ULK4: variants seen among roughly 807,000 people sequenced by gnomAD.
The protein encoded by ULK4 is unc-51 like kinase 4, also known as inactive serine/threonine-protein kinase ULK4.
A neutral mutation model predicts 160.6 loss-of-function variants in ULK4; 133 were observed. That is an observed-to-expected ratio of 0.83 (90% confidence interval 0.72 to 0.96). The LOEUF (loss-of-function observed/expected upper bound fraction) is 0.96. Ranked by LOEUF, ULK4 falls within the 40% of genes least tolerant of loss-of-function variation. The pLI, the probability that ULK4 is intolerant of heterozygous loss-of-function variation, is 0.00. For synonymous variants in ULK4, 534 were observed against 539.8 expected, an observed-to-expected ratio of 0.99 and a Z score of 0.15; for missense variants, 1,580 against 1,499.5, an observed-to-expected ratio of 1.05 and a Z score of -0.89.
intron 32 of ULK4, among the ~76,000 whole-genome samples, chr3:41,506,745 A>C (rs2085383627): frequency 8.1e-6 from 1 of 122,800 alleles, no homozygotes; most frequent in South Asian, 3.0e-4. Context: ...TCTCCAAAGC[A>C]ATACACTGGA....
At chr3:41,413,391 G>A (rs2082451997) in intron 34 of ULK4, among the ~76,000 whole-genome samples, 1 of 152,038 alleles carries the variant, frequency 6.6e-6, no homozygotes, top group Admixed American at 6.6e-5. Flanking sequence ...TTTTTACCTT[G>A]GATTGGGGAA....
intron 31 of ULK4, among the ~76,000 whole-genome samples, chr3:41,584,833 G>A (rs1305073353): frequency 6.6e-6 from 1 of 152,022 alleles, no homozygotes; most frequent in East Asian, 1.9e-4. Context: ...AGTACACACA[G>A]GGAACTTATT....
intron 35 of ULK4, among the ~76,000 whole-genome samples, chr3:41,365,291 T>C (rs1379383369): frequency 6.6e-6 from 1 of 152,168 alleles, no homozygotes; most frequent in South Asian, 2.1e-4. Flanking sequence ...AATTTGACAA[T>C]ATTTGGTAGC....
intron 31 of ULK4, among the ~76,000 whole-genome samples, chr3:41,572,400 CCA>C (rs982905943): frequency 2.6e-5 from 4 of 152,084 alleles, no homozygotes; most frequent in African/African-American, 9.7e-5. Context: ...CTCTTTCATT[CCA>C]CAATGTTCCC....
chr3:41,627,649 T>C (rs2033580740), intron 30 of ULK4, among the ~76,000 whole-genome samples: 2 of 152,250 alleles, frequency 1.3e-5, no homozygotes, highest in Admixed American at 1.3e-4. Context: ...GCTCTTGCCA[T>C]GGGCTAATCT....
intron 31 of ULK4, among the ~76,000 whole-genome samples, chr3:41,594,837 G>A (rs952345771): frequency 9.2e-5 from 14 of 152,148 alleles, no homozygotes; most frequent in South Asian, 4.1e-4. Context: ...CCAGAGCAGC[G>A]CAGCTGAAAC....
At chr3:41,302,376 T>C (rs1329756949) in intron 35 of ULK4, among the ~76,000 whole-genome samples, 10 of 152,110 alleles carry the variant, frequency 6.6e-5, no homozygotes, top group Admixed American at 3.3e-4. Context: ...AGTTAGCAAG[T>C]AGGGCTTTTC....
intron 32 of ULK4, among the ~76,000 whole-genome samples, chr3:41,531,798 T>C (rs75964349): frequency 6.6e-6 from 1 of 152,304 alleles, no homozygotes; most frequent in East Asian, 1.9e-4. Context: ...AAACACTTTG[T>C]AACAATTAGA....
In ULK4 at chr3:41,380,315, G is replaced by A. The variant is rs2081619224; in HGVS notation, c.3678+17764C>T. 1.3e-5 allele frequency among the ~76,000 whole-genome samples: 2 copies of A among 152,134 alleles called. 1 individual carries two copies. Among genetic ancestry groups the A allele is most frequent in the Non-Finnish European group, 2.9e-5 (2 of 68,034 alleles). Reference sequence around the variant, plus strand: ...CTCATTTTTATGATGGGGCTGGAAAGGTTACATATGAAGAATGTTATAACG... The same window carrying A: ...CTCATTTTTATGATGGGGCTGGAAAAGTTACATATGAAGAATGTTATAACG... On this transcript the variant is annotated intron_variant, in intron 35 of 36. Coordinates refer to ENST00000301831, the MANE Select transcript of ULK4 (RefSeq NM_017886.4).
At chr3:41,696,616 C>T (rs896469433) in intron 27 of ULK4, among the ~76,000 whole-genome samples, 4 of 152,170 alleles carry the variant, frequency 2.6e-5, no homozygotes, top group African/African-American at 9.6e-5. Context: ...TTTATTTCTA[C>T]AATCTCTTGC....
chr3:41,873,271 A>G (rs1264016630), intron 17 of ULK4, among the ~76,000 whole-genome samples: 1 of 141,576 alleles, frequency 7.1e-6, no homozygotes, highest in Non-Finnish European at 1.5e-5. Flanking sequence ...CTAAAAGGAT[A>G]GCCTTCCAAG....
At chr3:41,840,427 C>T (rs561906220) in intron 17 of ULK4, among the ~76,000 whole-genome samples, 1 of 152,344 alleles carries the variant, frequency 6.6e-6, no homozygotes, top group Admixed American at 6.5e-5. Context: ...CGAGGCTGGA[C>T]TGTACTGCCG....
rs1177069137 is a variant in ULK4, at chr3:41,918,556, A to C, written c.644-16T>G. The C allele has an allele frequency of 7.0e-7, 1 of 1,436,448 alleles. No individual in the cohort carries two copies. Among genetic ancestry groups the C allele is most frequent in the Non-Finnish European group, 9.4e-7 (1 of 1,058,962 alleles). The allele number at this position is 1,436,448 out of a possible 1,614,324, so 89.0% of individuals were successfully genotyped here. On this transcript the variant is annotated splice_polypyrimidine_tract_variant and intron_variant, in intron 6 of 36. Transcript: ENST00000301831. ...GGAGGTTTTCCTGAAATCACATGAA[A>C]ACTTGCAAAATGAAAGAAGTCTGCT...
At chr3:41,555,805 T>G (rs2087271707) in intron 32 of ULK4, among the ~76,000 whole-genome samples, 1 of 152,172 alleles carries the variant, frequency 6.6e-6, no homozygotes, top group Admixed American at 6.5e-5. Flanking sequence ...AAAGAAAATG[T>G]GGTACATCAT....
chr3:41,587,086 C>G (rs974031326), intron 31 of ULK4, among the ~76,000 whole-genome samples: 2 of 152,078 alleles, frequency 1.3e-5, no homozygotes, highest in African/African-American at 4.8e-5. Context: ...TGGAAGAATC[C>G]TCTTCTAAGC....
intron 22 of ULK4, among the ~76,000 whole-genome samples, chr3:41,728,935 T>C (rs192773066): frequency 6.6e-6 from 1 of 152,308 alleles, no homozygotes; most frequent in East Asian, 1.9e-4. Flanking sequence ...ACAATGCCTA[T>C]GATGACTGTC....
At chr3:41,955,828 TTCGAAAAACGGTAACAAAA>T (rs1430247476) in intron 1 of ULK4, 2 of 151,672 alleles carry the variant, frequency 1.3e-5, no homozygotes, top group Non-Finnish European at 2.9e-5. Flanking sequence ...TAACAGCTAT[TTCGAAAAACGGTAACAAAA>T]TCAGGGTATG....
chr3:41,871,285 G>A (rs779780656), intron 17 of ULK4, among the ~76,000 whole-genome samples: 2 of 152,096 alleles, frequency 1.3e-5, no homozygotes, highest in Non-Finnish European at 2.9e-5. Context: ...GGTATCAATA[G>A]TTCATTTCTC....
intron 35 of ULK4, among the ~76,000 whole-genome samples, chr3:41,255,444 T>C (rs551415324): frequency 7.5e-4 from 114 of 152,132 alleles, no homozygotes; most frequent in Middle Eastern, 6.8e-3. Context: ...GATCGTGCCA[T>C]TGCACTCCAG....
Sources: allele counts gnomAD v4.1 joint callset (sites outside exome capture counted in the v4.1 genomes callset), GRCh38; gene constraint gnomAD v4.1.1; transcripts MANE v1.5; gene names NCBI Gene and HGNC (gene_info 2026-07-23, HGNC 2026-07-21).